The following STARD13 variants were observed in gnomAD, a reference collection of about 807,000 sequenced individuals.
STARD13 encodes StAR related lipid transfer domain containing 13.
In STARD13, 62 loss-of-function variants were observed where a neutral mutation model predicts 106.4. The ratio of observed to expected loss-of-function variants is 0.58; its 90% CI spans 0.48 to 0.72. STARD13 has a LOEUF of 0.72. Ranked by LOEUF, STARD13 falls within the 30% of genes least tolerant of loss-of-function variation. STARD13 has a pLI of 0.00. For missense variants in STARD13, 1,387 were observed against 1,424.0 expected (o/e 0.97, Z 0.42); for synonymous variants, 565 against 553.0 (o/e 1.02, Z -0.31).
intron 1 of STARD13, among the ~76,000 whole-genome samples, chr13:33,218,142 A>G (rs892415769): frequency 6.6e-6 from 1 of 152,226 alleles, no homozygotes; most frequent in Non-Finnish European, 1.5e-5. Context: ...GCAACAGCTT[A>G]GCTTGAGCAA....
rs142151533 is a variant in STARD13 at position 33,148,685 on chromosome 13, C to A, written c.324-6312G>T. On this transcript the variant is annotated intron_variant, in intron 3 of 13. Transcript: ENST00000336934. ...GGGCAGCTTCTTACTGCCAAATACA[C>A]TTTTATCATATACTCGAGAAATTGC... 3.1e-3 allele frequency among the ~76,000 whole-genome samples: 477 copies of A among 152,320 alleles called. 5 individuals carry two copies. The highest frequency in any genetic ancestry group is 0.011 in the African/African-American group (455 of 41,574).
intron 1 of STARD13, among the ~76,000 whole-genome samples, chr13:33,233,041 G>T (rs1054432747): frequency 6.6e-6 from 1 of 152,198 alleles, no homozygotes; most frequent in Non-Finnish European, 1.5e-5. Context: ...CCAAACCCCT[G>T]GCACTTCAGT....
chr13:33,301,785 G>T (rs996729989), intron 1 of STARD13, among the ~76,000 whole-genome samples: 4 of 151,882 alleles, frequency 2.6e-5, no homozygotes, highest in Non-Finnish European at 5.9e-5. Flanking sequence ...AGCCAGGATG[G>T]TCTCGATCTC....
chr13:33,253,830 C>T (rs761865801), intron 1 of STARD13, among the ~76,000 whole-genome samples: 16 of 152,072 alleles, frequency 1.1e-4, no homozygotes, highest in Non-Finnish European at 2.2e-4. Context: ...CTAGACTGAA[C>T]GGGATAAAAA....
intron 1 of STARD13, among the ~76,000 whole-genome samples, chr13:33,270,493 T>C (rs1228965723): frequency 6.6e-6 from 1 of 152,182 alleles, no homozygotes; most frequent in East Asian, 1.9e-4. Context: ...TGATTTCACA[T>C]TGATTACTTT....
the STARD13 span, among the ~76,000 whole-genome samples, chr13:33,456,262 T>G: frequency 6.6e-6 from 1 of 152,196 alleles, no homozygotes; most frequent in Non-Finnish European, 1.5e-5. Flanking sequence ...TGATCTCGGC[T>G]TACTGCAACC....
At chr13:33,589,145 C>G in the STARD13 span, among the ~76,000 whole-genome samples, 1 of 152,126 alleles carries the variant, frequency 6.6e-6, no homozygotes, top group East Asian at 1.9e-4. Flanking sequence ...GTGATGATAT[C>G]CCCTTTATCA....
the STARD13 span, among the ~76,000 whole-genome samples, chr13:33,623,757 T>C: frequency 2.0e-5 from 3 of 152,156 alleles, no homozygotes; most frequent in Non-Finnish European, 4.4e-5. Context: ...TCTACCTGTC[T>C]ATATACTAAA....
the STARD13 span, among the ~76,000 whole-genome samples, chr13:33,550,191 A>G: frequency 6.6e-6 from 1 of 152,182 alleles, no homozygotes; most frequent in Non-Finnish European, 1.5e-5. Context: ...TAGATTCCCT[A>G]CAGCAAGCAA....
At chr13:33,619,831 G>A in the STARD13 span, among the ~76,000 whole-genome samples, 4 of 152,118 alleles carry the variant, frequency 2.6e-5, no homozygotes, top group Non-Finnish European at 5.9e-5. Flanking sequence ...GGGAGGCCGA[G>A]GTCGGCCAAT....
At chr13:33,246,237 A>G (rs1234741164) in intron 1 of STARD13, among the ~76,000 whole-genome samples, 1 of 152,210 alleles carries the variant, frequency 6.6e-6, no homozygotes, top group Admixed American at 6.5e-5. Flanking sequence ...AAGAGAGGTA[A>G]GGAGAAGTGA....
chr13:33,167,671 A>G (rs1883487082), intron 1 of STARD13, 49 bp from the exon 2 acceptor site: 2 of 1,546,070 alleles, frequency 1.3e-6, no homozygotes, highest in South Asian at 1.1e-5. Context: ...GCCGCACCCT[A>G]GTACTCTGCC....
chr13:33,529,021 C>T, the STARD13 span, among the ~76,000 whole-genome samples: 4 of 152,044 alleles, frequency 2.6e-5, no homozygotes, highest in Admixed American at 6.6e-5. Flanking sequence ...TTTATTACTT[C>T]CTGTTTTATT....
At chr13:33,552,498 G>A in the STARD13 span, among the ~76,000 whole-genome samples, 1 of 152,170 alleles carries the variant, frequency 6.6e-6, no homozygotes, top group Admixed American at 6.5e-5. Flanking sequence ...CTTTTGTGGT[G>A]ATGGAAACAT....
the STARD13 span, among the ~76,000 whole-genome samples, chr13:33,516,186 GA>G: frequency 6.9e-6 from 1 of 144,824 alleles, no homozygotes; most frequent in Non-Finnish European, 1.5e-5. Context: ...TCATATATAT[GA>G]ATTATATATA....
At chr13:33,616,539 G>T in the STARD13 span, among the ~76,000 whole-genome samples, 1 of 152,118 alleles carries the variant, frequency 6.6e-6, no homozygotes, top group African/African-American at 2.4e-5. Flanking sequence ...AGTCACTAAG[G>T]AGAAAATATT....
intron 3 of STARD13, chr13:33,158,703 G>T (rs942933647): frequency 2.6e-5 from 4 of 152,162 alleles, no homozygotes; most frequent in South Asian, 2.1e-4. Flanking sequence ...GTGGCTGAGG[G>T]TCTAATTAAC....
intron 7 of STARD13, among the ~76,000 whole-genome samples, chr13:33,119,122 T>A (rs1213837482): frequency 1.3e-5 from 2 of 152,116 alleles, no homozygotes; most frequent in Non-Finnish European, 2.9e-5. Flanking sequence ...GATCCTGCAA[T>A]GGTGGGGCAG....
At chr13:33,338,708 C>A (rs921516309) in intron 1 of STARD13, among the ~76,000 whole-genome samples, 7 of 151,744 alleles carry the variant, frequency 4.6e-5, no homozygotes, top group Non-Finnish European at 1.0e-4. Flanking sequence ...CATGGTGAAA[C>A]CCTGTCTCTA....
Sources: allele counts gnomAD v4.1 joint callset (sites outside exome capture counted in the v4.1 genomes callset), GRCh38; gene constraint gnomAD v4.1.1; transcripts MANE v1.5; gene names NCBI Gene and HGNC (gene_info 2026-07-23, HGNC 2026-07-21).